Variants in XPO7 observed in about 807,000 individuals in gnomAD.
XPO7 encodes the protein exportin-7.
In XPO7, 21 loss-of-function variants were observed where a neutral mutation model predicts 144.3. That is an observed-to-expected ratio of 0.15 (90% CI 0.10 to 0.21). The LOEUF is 0.21. Ranked by LOEUF, XPO7 falls within the 10% of genes least tolerant of loss-of-function variation. The probability of loss-of-function intolerance (pLI) is 1.00; values close to 1 mark genes in which losing one functional copy is unlikely to be tolerated. For synonymous variants in XPO7, 580 were observed against 499.6 expected (o/e 1.16, Z -2.15); for missense variants, 808 against 1,325.8 (o/e 0.61, Z 6.06).
intron 7 of XPO7, 47 bp downstream of exon 7, chr8:21,976,568 A>C (rs781012482): frequency 1.3e-6 from 2 of 1,568,004 alleles, no homozygotes; most frequent in Admixed American, 3.7e-5. Flanking sequence ...ACTCCCCTAC[A>C]GAGTGTCTGT....
intron 8 of XPO7, 36 bp downstream of exon 8, chr8:21,977,879 T>C (rs1265923106): frequency 5.1e-6 from 8 of 1,567,580 alleles, no homozygotes; most frequent in Non-Finnish European, 7.0e-6. Flanking sequence ...AGCAAACCTA[T>C]TCATAGAAGA....
chr8:21,933,584 G>A (rs1027714275), intron 1 of XPO7, among the ~76,000 whole-genome samples: 3 of 152,128 alleles, frequency 2.0e-5, no homozygotes, highest in Non-Finnish European at 2.9e-5. Flanking sequence ...AACAGAGACA[G>A]CATGATTCTA....
At chr8:21,926,400 A>G (rs1250896923) in intron 1 of XPO7, among the ~76,000 whole-genome samples, 1 of 152,216 alleles carries the variant, frequency 6.6e-6, no homozygotes, top group Admixed American at 6.5e-5. Context: ...CATTTGCCCT[A>G]AAGTTTGAGT....
At chr8:21,981,959 T>C in intron 10 of XPO7, 82 bp downstream of exon 10, 1 of 1,562,086 alleles carries the variant, frequency 6.4e-7, no homozygotes, top group Admixed American at 1.8e-5. Flanking sequence ...AGAATATATT[T>C]TTTTTTCTTG....
At chr8:21,981,701 C>G (rs779653325) in intron 9 of XPO7, 30 bp from the exon 10 acceptor site, 19 of 1,611,440 alleles carry the variant, frequency 1.2e-5, no homozygotes, top group Non-Finnish European at 1.6e-5. Flanking sequence ...GCACATTTTA[C>G]ATTTTATTTT....
rs899213033 is a variant in XPO7, at chr8:21,922,228, C to T, written c.18+2440C>T. On this transcript the variant is annotated intron_variant, in intron 1 of 27. Coordinates refer to ENST00000252512, the MANE Select transcript of XPO7 (RefSeq NM_015024.5). Reference sequence around the variant, plus strand: ...AATTGAGGCTGAGTGTCATATGATTCTCGGGTTCTCTCAGGCTGATGTCTT... The same window carrying T: ...AATTGAGGCTGAGTGTCATATGATTTTCGGGTTCTCTCAGGCTGATGTCTT... Among the ~76,000 whole-genome samples, 6 of 152,078 alleles carry T rather than the reference C, an allele frequency of 3.9e-5. No homozygotes were observed. In the East Asian group the frequency reaches 1.2e-3, roughly 29 times the overall value.
rs1369020733 is a variant in XPO7 at position 22,005,034 on chromosome 8, C to T, written c.3210C>T (p.Asn1070=). 1.9e-6 allele frequency: 3 copies of T among 1,612,340 alleles called. No homozygotes were observed. Among genetic ancestry groups the T allele is most frequent in the Non-Finnish European group, 2.5e-6 (3 of 1,179,232 alleles). The stretch of plus-strand genomic sequence containing the variant: ...TGTCAGCATTCCGTCGAGAAGTCAA[C>T]GACTCAATGAAGAATTCCACTTATG... The part of the protein sequence containing the change: ...QNLSAFRREV[N]DSMKNSTYGV... The change falls in exon 28 of 28, where the codon AAC becomes AAT. Residue 1070 remains asparagine (N), a synonymous_variant. Transcript: ENST00000252512.
intron 1 of XPO7, among the ~76,000 whole-genome samples, chr8:21,940,517 T>C (rs1810955754): frequency 6.6e-6 from 1 of 151,650 alleles, no homozygotes; most frequent in African/African-American, 2.4e-5. Context: ...TCACCCAGGC[T>C]GGAGTGCGGT....
At position 22,002,227 on chromosome 8, in the gene XPO7, C is replaced by T; in HGVS notation, c.2898C>T (p.Asp966=). The T allele has an allele frequency of 1.9e-6, 3 of 1,613,312 alleles. No individual in the cohort carries two copies. The highest frequency in any genetic ancestry group is 2.5e-6 in the Non-Finnish European group (3 of 1,179,618). The part of the protein sequence containing the change: ...KRTTPLNQES[D]RFLHIMQQHP... ...CCACACCCCTGAACCAGGAGAGCGA[C>T]CGCTTTCTGCACATCATGCAGCAGC... The change falls in exon 25 of 28, where the codon GAC becomes GAT. Residue 966 remains aspartate, a synonymous_variant. Transcript: ENST00000252512.
intron 11 of XPO7, among the ~76,000 whole-genome samples, chr8:21,983,649 G>A (rs1812476098): frequency 6.6e-6 from 1 of 152,172 alleles, no homozygotes; most frequent in Non-Finnish European, 1.5e-5. Flanking sequence ...AGGCATTGTT[G>A]GGGAGTGGTT....
chr8:21,996,274 G>T (rs1307692922), intron 21 of XPO7, among the ~76,000 whole-genome samples: 1 of 152,204 alleles, frequency 6.6e-6, no homozygotes, highest in African/African-American at 2.4e-5. Flanking sequence ...AATTAGCTGG[G>T]CATGGTGGCA....
chr8:21,934,230 GC>G (rs1285435864), intron 1 of XPO7, among the ~76,000 whole-genome samples: 2 of 152,020 alleles, frequency 1.3e-5, no homozygotes, highest in African/African-American at 4.8e-5. Flanking sequence ...AGGTGCGGTG[GC>G]TCATGCCTGT....
chr8:21,961,689 C>T (rs956715985), intron 1 of XPO7, among the ~76,000 whole-genome samples: 6 of 152,106 alleles, frequency 3.9e-5, no homozygotes, highest in African/African-American at 7.2e-5. Flanking sequence ...CTCACTCTGT[C>T]GCCCAGGCTG....
rs759609584 is a variant in XPO7, at chr8:22,003,866, G to A, written c.3043-37G>A. 8.1e-6 allele frequency: 13 copies of A among 1,612,260 alleles called. No individual in the cohort carries two copies. In the East Asian group the frequency reaches 2.7e-4, roughly 33 times the overall value. ...ACGGAGGGCTAATCTGCCTTCCCCT[G>A]CTTCTCTAACCTTCTGTTCCACTCC... On this transcript the variant is annotated intron_variant, in intron 26 of 27. Transcript: ENST00000252512.
intron 11 of XPO7, 101 bp downstream of exon 11, chr8:21,982,913 T>TC: frequency 7.2e-7 from 1 of 1,390,896 alleles, no homozygotes; most frequent in Non-Finnish European, 9.6e-7. Flanking sequence ...GAAGCGTGTC[T>TC]CATTGGAGCC....
At chr8:21,991,678 A>G (rs989394796) in intron 18 of XPO7, 190 bp from the exon 19 acceptor site, 8 of 453,530 alleles carry the variant, frequency 1.8e-5, no homozygotes, top group African/African-American at 4.0e-5. Flanking sequence ...TTCTGTTGTC[A>G]TCTTCTAGTT....
At chr8:21,986,187 G>C (rs1235455156) in intron 13 of XPO7, among the ~76,000 whole-genome samples, 1 of 145,552 alleles carries the variant, frequency 6.9e-6, no homozygotes, top group African/African-American at 2.6e-5. Flanking sequence ...ACCCAGGCCA[G>C]AGTGCAGTGG....
At chr8:21,932,792 G>A (rs1290214725) in intron 1 of XPO7, among the ~76,000 whole-genome samples, 7 of 152,140 alleles carry the variant, frequency 4.6e-5, no homozygotes, top group East Asian at 3.8e-4. Context: ...GCGGCTAGTC[G>A]TCAACTGTAG....
At chr8:21,982,431 A>C (rs1812437047) in intron 10 of XPO7, among the ~76,000 whole-genome samples, 1 of 152,202 alleles carries the variant, frequency 6.6e-6, no homozygotes. Flanking sequence ...TTACACAGCC[A>C]GCATAGAGTA....
Sources: allele counts gnomAD v4.1 joint callset (sites outside exome capture counted in the v4.1 genomes callset), GRCh38; gene constraint gnomAD v4.1.1; transcripts MANE v1.5; gene names NCBI Gene and HGNC (gene_info 2026-07-23, HGNC 2026-07-21).